Variants in HIVEP3 observed in about 807,000 individuals in gnomAD.
HIVEP3 encodes HIVEP zinc finger 3.
In HIVEP3, 49 loss-of-function variants were observed where a neutral mutation model predicts 152.8. That is an observed-to-expected ratio of 0.32 (90% CI 0.26 to 0.41). The LOEUF is 0.41. Among genes scored for constraint, HIVEP3 ranks in the 10% least tolerant of loss-of-function variants. The pLI, the probability that HIVEP3 is intolerant of heterozygous loss-of-function variation, is 1.00. For missense variants in HIVEP3, 2,790 were observed against 3,103.3 expected, an observed-to-expected ratio of 0.90 and a Z score of 2.40; for synonymous variants, 1,269 against 1,289.0, an observed-to-expected ratio of 0.98 and a Z score of 0.33.
At chr1:41,677,775 G>A (rs962341266) in intron 2 of HIVEP3, among the ~76,000 whole-genome samples, 3 of 152,202 alleles carry the variant, frequency 2.0e-5, no homozygotes, top group South Asian at 2.1e-4. Context: ...CTGCTTCCCC[G>A]CACATCGGGC....
chr1:41,805,556 G>A (rs1484245489), intron 1 of HIVEP3, among the ~76,000 whole-genome samples: 5 of 152,138 alleles, frequency 3.3e-5, no homozygotes, highest in Non-Finnish European at 7.3e-5. Flanking sequence ...GTTTACATGC[G>A]TGTGCGTGGG....
intron 3 of HIVEP3, among the ~76,000 whole-genome samples, chr1:41,609,016 G>A (rs1217673265): frequency 6.6e-6 from 1 of 151,978 alleles, no homozygotes; most frequent in Admixed American, 6.6e-5. Flanking sequence ...CCTAGGAGGT[G>A]GAGGTTGCAG....
chr1:41,867,074 T>C (rs1643990829), intron 1 of HIVEP3, among the ~76,000 whole-genome samples: 1 of 152,162 alleles, frequency 6.6e-6, no homozygotes, highest in South Asian at 2.1e-4. Flanking sequence ...GGCCAGTCTT[T>C]CCAATCATCA....
intron 1 of HIVEP3, among the ~76,000 whole-genome samples, chr1:41,753,899 T>C (rs1647211204): frequency 6.6e-6 from 1 of 151,978 alleles, no homozygotes; most frequent in Non-Finnish European, 1.5e-5. Context: ...AGGGAACCAG[T>C]AAGCAAGTGC....
intron 1 of HIVEP3, among the ~76,000 whole-genome samples, chr1:41,945,186 C>T (rs1226513463): frequency 1.3e-5 from 2 of 152,128 alleles, no homozygotes; most frequent in South Asian, 2.1e-4. Context: ...CTCAGCATCC[C>T]CCTGACTCCT....
rs564183349 is a variant in HIVEP3, at chr1:41,580,223, G to C, written c.4575C>G (p.Ala1525=). The change falls in exon 4 of 9, where the codon GCC becomes GCG. Residue 1525 remains alanine (A), a synonymous_variant. Coordinates refer to ENST00000372583, the MANE Select transcript of HIVEP3 (RefSeq NM_024503.5). ...ATTCCTTCAAAGCTTCTGAGCCTGG[G>C]GCTGTCCCATGGGACAATGCAGGGT... ...LPHPALSHGT[A]PGSEALKEYP... is the part of the protein sequence containing the mutation. The C allele has an allele frequency of 1.7e-5, 27 of 1,612,870 alleles. No homozygotes were observed. The East Asian group carries it at 5.8e-4, about 35-fold the overall frequency.
At chr1:41,885,166 A>C (rs2993120) in intron 1 of HIVEP3, among the ~76,000 whole-genome samples, 70,668 of 152,016 alleles carry the variant, frequency 0.46, 16,551 homozygotes, top group Admixed American at 0.52. Flanking sequence ...TGGCATAGGA[A>C]AGTCATGAGC....
chr1:41,544,841 CACT>C (rs1245820212), intron 5 of HIVEP3, among the ~76,000 whole-genome samples: 27 of 91,594 alleles, frequency 2.9e-4, no homozygotes, highest in East Asian at 1.1e-3. Flanking sequence ...TCACCACCAC[CACT>C]ACCACCACCA....
chr1:41,566,729 C>A (rs1325252039), intron 5 of HIVEP3, among the ~76,000 whole-genome samples: 1 of 152,094 alleles, frequency 6.6e-6, no homozygotes, highest in African/African-American at 2.4e-5. Flanking sequence ...CCGGGCTGAG[C>A]CTCCTTCCTC....
At chr1:41,782,534 C>A (rs969249714) in intron 1 of HIVEP3, among the ~76,000 whole-genome samples, 1 of 152,236 alleles carries the variant, frequency 6.6e-6, no homozygotes, top group East Asian at 1.9e-4. Flanking sequence ...GAGTTCAAGA[C>A]AAGCCTGGCC....
At chr1:41,546,927 C>T (rs1453082416) in intron 5 of HIVEP3, among the ~76,000 whole-genome samples, 1 of 152,234 alleles carries the variant, frequency 6.6e-6, no homozygotes, top group African/African-American at 2.4e-5. Context: ...AGCCCAGATG[C>T]AGTCATTCCA....
chr1:41,719,021 T>G (rs893094432), intron 1 of HIVEP3, among the ~76,000 whole-genome samples: 1 of 152,072 alleles, frequency 6.6e-6, no homozygotes, highest in Admixed American at 6.5e-5. Flanking sequence ...CATGGCCAAG[T>G]GGGAGTAACA....
chr1:41,536,351 G>A (rs371391677), intron 5 of HIVEP3, among the ~76,000 whole-genome samples: 5 of 152,186 alleles, frequency 3.3e-5, no homozygotes, highest in African/African-American at 7.2e-5. Context: ...CCAGCACACC[G>A]ACAGAGCGGC....
intron 1 of HIVEP3, among the ~76,000 whole-genome samples, chr1:41,841,054 T>C (rs771136025): frequency 1.7e-4 from 26 of 152,118 alleles, no homozygotes; most frequent in Admixed American, 1.3e-4. Context: ...CACCCACCTA[T>C]TAGTGGCAGT....
intron 2 of HIVEP3, among the ~76,000 whole-genome samples, chr1:41,682,267 C>A (rs1364901228): frequency 6.6e-6 from 1 of 152,176 alleles, no homozygotes; most frequent in Non-Finnish European, 1.5e-5. Context: ...CTTCTCTGAG[C>A]ACCTCCACAG....
chr1:41,951,767 C>T (rs935840327), intron 1 of HIVEP3, among the ~76,000 whole-genome samples: 7 of 152,068 alleles, frequency 4.6e-5, no homozygotes, highest in Non-Finnish European at 1.0e-4. Flanking sequence ...ACCATCAGAT[C>T]TCATGAGAAC....
intron 1 of HIVEP3, among the ~76,000 whole-genome samples, chr1:41,785,157 G>A (rs1649274135): frequency 2.0e-5 from 3 of 152,094 alleles, no homozygotes; most frequent in Admixed American, 2.0e-4. Context: ...TCCTTCTTTA[G>A]TTCCCTCTCT....
At chr1:41,952,197 C>T (rs1645112541) in intron 1 of HIVEP3, among the ~76,000 whole-genome samples, 1 of 152,124 alleles carries the variant, frequency 6.6e-6, no homozygotes, top group Non-Finnish European at 1.5e-5. Context: ...ATCAATTTAA[C>T]CCCTAAGTCA....
chr1:41,769,781 A>G (rs1404710874), intron 1 of HIVEP3, among the ~76,000 whole-genome samples: 1 of 152,232 alleles, frequency 6.6e-6, no homozygotes, highest in Admixed American at 6.5e-5. Context: ...GGTCAATACT[A>G]ATGTAAATAA....
Sources: gnomAD v4.1 joint callset for allele counts (sites outside exome capture counted in the v4.1 genomes callset) on GRCh38, gnomAD v4.1.1 for gene constraint, MANE v1.5 for transcripts, NCBI Gene and HGNC (gene_info 2026-07-23, HGNC 2026-07-21) for gene names.